TOX: variants seen among roughly 807,000 people sequenced by gnomAD.
The protein encoded by TOX is thymocyte selection associated high mobility group box.
A neutral mutation model predicts 53.7 loss-of-function variants in TOX; 11 were observed. The observed-to-expected ratio is 0.20, with a 90% CI of 0.13 to 0.34. The LOEUF is 0.34. Among genes scored for constraint, TOX ranks in the 10% least tolerant of loss-of-function variants. TOX has a pLI of 1.00. For synonymous variants in TOX, 225 were observed against 245.3 expected, an observed-to-expected ratio of 0.92 and a Z score of 0.77; for missense variants, 570 against 664.6, an observed-to-expected ratio of 0.86 and a Z score of 1.56.
chr8:58,929,720 C>T (rs1271001909), intron 3 of TOX, among the ~76,000 whole-genome samples: 1 of 151,854 alleles, frequency 6.6e-6, no homozygotes, highest in Non-Finnish European at 1.5e-5. Flanking sequence ...AAGCAAAAAG[C>T]AAGTCAAAGA....
At chr8:58,956,710 T>C (rs537969021) in intron 2 of TOX, among the ~76,000 whole-genome samples, 5 of 152,296 alleles carry the variant, frequency 3.3e-5, no homozygotes, top group African/African-American at 9.6e-5. Flanking sequence ...CAAGCGATTC[T>C]CCTGCCTCAG....
chr8:59,030,567 C>T (rs921852573), intron 1 of TOX, among the ~76,000 whole-genome samples: 1 of 152,172 alleles, frequency 6.6e-6, no homozygotes, highest in African/African-American at 2.4e-5. Context: ...TTACACATGG[C>T]CAGTTGTTCA....
At chr8:58,894,314 G>T (rs1811605378) in intron 3 of TOX, among the ~76,000 whole-genome samples, 1 of 152,150 alleles carries the variant, frequency 6.6e-6, no homozygotes, top group Admixed American at 6.5e-5. Context: ...CAGCGGGAAA[G>T]GTTCTATTAT....
At chr8:59,113,865 T>C (rs888546665) in intron 1 of TOX, among the ~76,000 whole-genome samples, 4 of 152,184 alleles carry the variant, frequency 2.6e-5, no homozygotes, top group Non-Finnish European at 4.4e-5. Flanking sequence ...GCAGGGTCTT[T>C]TGAAGTTTCT....
At chr8:58,971,203 G>T (rs1468876363) in intron 1 of TOX, among the ~76,000 whole-genome samples, 1 of 152,228 alleles carries the variant, frequency 6.6e-6, no homozygotes, top group Non-Finnish European at 1.5e-5. Flanking sequence ...GGTGGGCACT[G>T]CTCTGAATCT....
At chr8:58,925,027 C>A (rs548307787) in intron 3 of TOX, among the ~76,000 whole-genome samples, 1 of 152,182 alleles carries the variant, frequency 6.6e-6, no homozygotes, top group African/African-American at 2.4e-5. Context: ...CCAGATGGCA[C>A]ATGGAGATGC....
At chr8:58,850,855 T>C (rs1810801812) in intron 4 of TOX, among the ~76,000 whole-genome samples, 1 of 152,186 alleles carries the variant, frequency 6.6e-6, no homozygotes, top group Non-Finnish European at 1.5e-5. Context: ...TTTGGTAGCA[T>C]GTTTACAGTT....
intron 1 of TOX, among the ~76,000 whole-genome samples, chr8:58,965,100 T>C (rs1812869153): frequency 6.6e-6 from 1 of 152,222 alleles, no homozygotes; most frequent in African/African-American, 2.4e-5. Flanking sequence ...CATCATAACT[T>C]TTCAAAATAT....
intron 1 of TOX, chr8:58,993,042 A>G (rs949604385): frequency 6.6e-6 from 1 of 152,170 alleles, no homozygotes; most frequent in Non-Finnish European, 1.5e-5. Flanking sequence ...GGAAGGCCCA[A>G]TATCTCTTTC....
intron 6 of TOX, among the ~76,000 whole-genome samples, chr8:58,824,879 A>G (rs1810340526): frequency 6.6e-6 from 1 of 152,292 alleles, no homozygotes; most frequent in Non-Finnish European, 1.5e-5. Flanking sequence ...GGGGTGGGGA[A>G]AAAATAGAGC....
chr8:58,813,858 C>G (rs1045178787), intron 7 of TOX, among the ~76,000 whole-genome samples: 4 of 152,154 alleles, frequency 2.6e-5, no homozygotes, highest in African/African-American at 9.7e-5. Flanking sequence ...TTAGGAGATA[C>G]AGGTTTTCTC....
At chr8:58,998,604 TG>T (rs1269875954) in intron 1 of TOX, among the ~76,000 whole-genome samples, 4 of 145,388 alleles carry the variant, frequency 2.8e-5, no homozygotes, top group African/African-American at 1.0e-4. Context: ...AATAAATTTA[TG>T]TAATAAATTT....
At chr8:58,838,556 T>C (rs1326374439) in intron 4 of TOX, among the ~76,000 whole-genome samples, 6 of 152,132 alleles carry the variant, frequency 3.9e-5, no homozygotes, top group African/African-American at 1.4e-4. Context: ...GCTCTTTTTA[T>C]ATTATTACAC....
chr8:58,833,366 T>C (rs6999284), intron 5 of TOX, among the ~76,000 whole-genome samples: 9,850 of 152,244 alleles, frequency 0.065, 646 homozygotes, highest in African/African-American at 0.17. Context: ...GGACCAACCC[T>C]TTCTGCTTCA....
At position 59,118,274 on chromosome 8, in the gene TOX, G is replaced by A. The variant is rs1805144031; in HGVS notation, c.102+612C>T. On this transcript the variant is annotated intron_variant, in intron 1 of 8. Coordinates refer to ENST00000361421, the MANE Select transcript of TOX (RefSeq NM_014729.3). The surrounding 1 kb of genome is among the most constrained non-coding windows in gnomAD (Gnocchi z 4.1). ...GAACTGTTCCCCAAACCTTGACCCAGCTACCCCGCTGTGCTCTGGCCCGCG... is the reference window on the plus strand; with the variant it reads ...GAACTGTTCCCCAAACCTTGACCCAACTACCCCGCTGTGCTCTGGCCCGCG... Among the ~76,000 whole-genome samples, 1 of 152,226 alleles carries A rather than the reference G, an allele frequency of 6.6e-6. No homozygotes were observed. Among genetic ancestry groups the A allele is most frequent in the Admixed American group, 6.5e-5 (1 of 15,286 alleles).
chr8:58,965,588 C>T (rs535328172), intron 1 of TOX, among the ~76,000 whole-genome samples: 64 of 152,032 alleles, frequency 4.2e-4, no homozygotes, highest in African/African-American at 1.3e-3. Flanking sequence ...TTTAGGGAAA[C>T]CATTAAAAGA....
chr8:58,889,125 A>AT (rs1811519851), intron 3 of TOX, among the ~76,000 whole-genome samples: 1 of 150,786 alleles, frequency 6.6e-6, no homozygotes, highest in Non-Finnish European at 1.5e-5. Flanking sequence ...ATGCATATAC[A>AT]TTTTTTATCC....
In TOX at chr8:59,065,939, G is replaced by A. The variant is rs1165630863; in HGVS notation, c.102+52947C>T. On this transcript the variant is annotated intron_variant, in intron 1 of 8. Coordinates refer to ENST00000361421, the MANE Select transcript of TOX (RefSeq NM_014729.3). ...ACATGCGTCCATGATTTACCATGAC[G>A]GTTTGATTGAGAGCAAAACAACAAA... is the stretch of plus-strand genomic sequence containing the variant. 2.0e-5 allele frequency among the ~76,000 whole-genome samples: 3 copies of A among 152,086 alleles called. 1 individual carries two copies. The highest frequency in any genetic ancestry group is 1.3e-4 in the Admixed American group (2 of 15,268).
chr8:58,863,868 T>C (rs1443068982), intron 3 of TOX, among the ~76,000 whole-genome samples: 1 of 152,168 alleles, frequency 6.6e-6, no homozygotes, highest in Admixed American at 6.5e-5. Context: ...TCAAAGGGGA[T>C]TAATTGCTAT....
Sources: gnomAD v4.1 joint callset for allele counts (sites outside exome capture counted in the v4.1 genomes callset) on GRCh38, gnomAD v4.1.1 for gene constraint, Gnocchi (gnomAD v3.1) non-coding constraint, MANE v1.5 for transcripts, NCBI Gene and HGNC (gene_info 2026-07-23, HGNC 2026-07-21) for gene names.